Variants in CHERP observed in about 807,000 individuals in gnomAD.
CHERP encodes calcium homeostasis endoplasmic reticulum protein, also known as ERPROT 213-21.
Under a neutral mutation model 113.8 loss-of-function variants are expected in CHERP, and 8 were observed. The observed-to-expected ratio is 0.07, with a 90% CI of 0.04 to 0.13. CHERP has a LOEUF of 0.13. Among genes scored for constraint, CHERP ranks in the 10% least tolerant of loss-of-function variants. The pLI is 1.00. For synonymous variants in CHERP, 559 were observed against 524.5 expected (o/e 1.07, Z -0.90); for missense variants, 884 against 1,298.2 (o/e 0.68, Z 4.90).
chr19:16,537,114 T>G (rs760418193), intron 2 of CHERP, among the ~76,000 whole-genome samples: 1 of 151,908 alleles, frequency 6.6e-6, no homozygotes, highest in African/African-American at 2.4e-5. Flanking sequence ...CAGACAAGAC[T>G]CACTCCAGAT....
Position 16,530,011 on chromosome 19 carries a change from T to C in CHERP, c.877-111A>G. The C allele has an allele frequency of 7.1e-7, 1 of 1,399,830 alleles. No homozygotes were observed. Among genetic ancestry groups the C allele is most frequent in the Non-Finnish European group, 9.6e-7 (1 of 1,040,924 alleles). 86.7% of individuals were successfully genotyped at this position (1,399,830 alleles called of 1,614,324 possible). ...CAGAGCCTGGGGGACCTGGGGCAGG[T>C]GGACAGGGAACCGTCACGTGAAACA... On this transcript the variant is annotated intron_variant, in intron 7 of 16. Coordinates refer to ENST00000546361, the MANE Select transcript of CHERP (RefSeq NM_006387.6). This position sits in a 1 kb window ranked among gnomAD's most constrained non-coding sequence, Gnocchi z 4.1.
chr19:16,524,542 TGA>T (rs2085643197), intron 10 of CHERP, among the ~76,000 whole-genome samples: 1 of 138,016 alleles, frequency 7.2e-6, no homozygotes, highest in Admixed American at 7.2e-5. Flanking sequence ...GGCAACAGGG[TGA>T]GACTCTGTCT....
chr19:16,521,147 G>A, intron 12 of CHERP: 1 of 596,062 alleles, frequency 1.7e-6, no homozygotes, highest in Non-Finnish European at 3.0e-6. Context: ...CGCTGAGGTG[G>A]TGGGGACCCA....
In CHERP at chr19:16,535,854, C is replaced by T. The variant is rs1291536473; in HGVS notation, c.200-218G>A. Among the ~76,000 whole-genome samples the T allele has an allele frequency of 6.6e-6, 1 of 152,166 alleles. No homozygotes were observed. Among genetic ancestry groups the T allele is most frequent in the African/African-American group, 2.4e-5 (1 of 41,444 alleles). On this transcript the variant is annotated intron_variant, in intron 2 of 16. Transcript: ENST00000546361. This position sits in a 1 kb window ranked among gnomAD's most constrained non-coding sequence, Gnocchi z 4.3. ...CAGCCTCAGCATTCCATCTTCGGGC[C>T]GTCCCCTCCTCGGAGAACCTAGGAA...
chr19:16,525,535 T>G lies in CHERP; in HGVS notation c.1448A>C (p.Gln483Pro), dbSNP rs1455191934. Reference protein sequence around the residue: ...NGQRDAPWNNQPDAAWNSQFE... With the variant: ...NGQRDAPWNNPPDAAWNSQFE... ...CTGGCTGTTCCAGGCGGCGTCGGGC[T>G]GGTTGTTCCAGGGCGCGTCGCGCTG... Residue 483 changes from glutamine (Q) to proline (P), a missense_variant, in exon 10 of 17, where the codon CAG (glutamine) becomes CCG (proline). By Grantham distance (76) the Gln-to-Pro change is moderately conservative. Coordinates refer to ENST00000546361, the MANE Select transcript of CHERP (RefSeq NM_006387.6). The surrounding 1 kb of genome is among the most constrained non-coding windows in gnomAD (Gnocchi z 6.5). 1.9e-6 allele frequency: 3 copies of G among 1,547,232 alleles called. No homozygotes were observed. Among genetic ancestry groups the G allele is most frequent in the African/African-American group, 1.4e-5 (1 of 73,244 alleles).
intron 2 of CHERP, chr19:16,541,067 T>C (rs910798747): frequency 6.6e-6 from 1 of 152,068 alleles, no homozygotes; most frequent in African/African-American, 2.4e-5. Flanking sequence ...TGTACCTTAA[T>C]ACAAGACGAG....
chr19:16,538,690 A>G (rs1288120553), intron 2 of CHERP, among the ~76,000 whole-genome samples: 1 of 152,000 alleles, frequency 6.6e-6, no homozygotes, highest in Non-Finnish European at 1.5e-5. Flanking sequence ...TCTCCAAAAA[A>G]AAAAGAAAGC....
chr19:16,529,278 A>C (rs563363125), intron 8 of CHERP, among the ~76,000 whole-genome samples: 2 of 152,190 alleles, frequency 1.3e-5, no homozygotes, highest in African/African-American at 4.8e-5. Flanking sequence ...TTGGCCTCCC[A>C]AAGTGCTGGG....
Position 16,525,267 on chromosome 19 carries a change from G to A in CHERP, c.1716C>T (p.Asp572=). The A allele has an allele frequency of 7.0e-7, 1 of 1,433,338 alleles. No homozygotes were observed. The highest frequency in any genetic ancestry group is 9.2e-7 in the Non-Finnish European group (1 of 1,091,514). The allele number at this position is 1,433,338 out of a possible 1,614,324, so 88.8% of individuals were successfully genotyped here. A position where few individuals can be genotyped will look rare whatever the true frequency, so the allele number is the denominator to read the frequency against. The change falls in exon 10 of 17, where the codon GAC becomes GAT. Residue 572 remains aspartate (D), a synonymous_variant. Transcript: ENST00000546361. The surrounding 1 kb of genome is among the most constrained non-coding windows in gnomAD (Gnocchi z 6.5). ...CGGCAGGGAAGTCCCCCTGGGGGTA[G>A]TCGAAGCGGTGGGGATAGGGCGGCC... ...FERPPYPHRF[D]YPQGDFPAEM... is the part of the protein sequence containing the mutation.
chr19:16,533,573 G>A (rs920298787), intron 3 of CHERP, among the ~76,000 whole-genome samples: 2 of 152,068 alleles, frequency 1.3e-5, no homozygotes, highest in African/African-American at 4.8e-5. Context: ...CCTGGGCAAC[G>A]TAGCGAAACC....
At chr19:16,528,911 C>A (rs755303732) in intron 8 of CHERP, among the ~76,000 whole-genome samples, 21 of 152,306 alleles carry the variant, frequency 1.4e-4, no homozygotes, top group Middle Eastern at 3.4e-3. Flanking sequence ...TGAGATCACG[C>A]CACTGCACTC....
intron 2 of CHERP, among the ~76,000 whole-genome samples, chr19:16,537,325 A>G (rs149342606): frequency 6.6e-6 from 1 of 151,180 alleles, no homozygotes; most frequent in Non-Finnish European, 1.5e-5. Context: ...GGACCCTCAC[A>G]TGCTGGGGTG....
rs1414595232 is a variant in CHERP at position 16,518,159 on chromosome 19, A to G, written c.*1000T>C. 1 of 152,130 alleles carries G rather than the reference A, an allele frequency of 6.6e-6. No homozygotes were observed. The highest frequency in any genetic ancestry group is 2.4e-5 in the African/African-American group (1 of 41,408). The allele number at this position is 152,130 out of a possible 1,614,324, so 9.4% of individuals were successfully genotyped here. On this transcript the variant is annotated 3_prime_UTR_variant, in exon 17 of 17. Transcript: ENST00000546361. ...TGGACACCAGGTGTGGCCGATTCCC[A>G]ACGGTCACCCACCAGCTTCTGGCAG...
At chr19:16,522,699 CCTT>C (rs2085627884) in intron 11 of CHERP, among the ~76,000 whole-genome samples, 1 of 152,164 alleles carries the variant, frequency 6.6e-6, no homozygotes, top group South Asian at 2.1e-4. Context: ...ACAGGTGGCT[CCTT>C]CTAAGACATT....
chr19:16,522,545 CA>C (rs570684391), intron 11 of CHERP, among the ~76,000 whole-genome samples: 164 of 152,302 alleles, frequency 1.1e-3, no homozygotes, highest in African/African-American at 3.8e-3. Context: ...AGGTGTGAGC[CA>C]CTACGCCTGG....
At chr19:16,524,256 A>AAAC (rs1313937186) in intron 10 of CHERP, among the ~76,000 whole-genome samples, 3 of 150,836 alleles carry the variant, frequency 2.0e-5, no homozygotes, top group African/African-American at 4.9e-5. Context: ...AAAAAACAAC[A>AAAC]AACAACAACA....
chr19:16,534,818 C>G (rs186170321), intron 3 of CHERP, among the ~76,000 whole-genome samples: 55 of 152,224 alleles, frequency 3.6e-4, no homozygotes, highest in African/African-American at 1.3e-3. Context: ...AACTGTTGGA[C>G]CAGGAAGGAC....
Position 16,529,743 on chromosome 19 carries a change from G to T in CHERP, c.1034C>A (p.Pro345Gln). The T allele has an allele frequency of 1.2e-6, 2 of 1,611,128 alleles. No individual in the cohort carries two copies. The highest frequency in any genetic ancestry group is 8.5e-7 in the Non-Finnish European group (1 of 1,179,600). The stretch of plus-strand genomic sequence containing the variant: ...GGCCTTGACTTCAGCCTCCATCTGC[G>T]GCATCTGGAGCTGCTGCTGCTGCTG... ...QQQQQQQLQM[P>Q]QMEAEVKATP... The change falls in exon 8 of 17, where the codon CCG becomes CAG. Residue 345 changes from proline (P) to glutamine (Q), a missense_variant. This residue lies in a region of CHERP where 464 missense variants were observed against 590.1 expected (regional missense o/e 0.79). Transcript: ENST00000546361.
Position 16,518,819 on chromosome 19 carries a change from T to C in CHERP, c.*340A>G, listed in dbSNP as rs2122235508. 3.5e-6 allele frequency: 1 copy of C among 289,478 alleles called. No homozygotes were observed. Among genetic ancestry groups the C allele is most frequent in the South Asian group, 3.6e-5 (1 of 28,110 alleles). 17.9% of individuals were successfully genotyped at this position (289,478 alleles called of 1,614,324 possible). A position where few individuals can be genotyped will look rare whatever the true frequency, so the allele number is the denominator to read the frequency against. ...CCTGGAGCCTAGGAGGAGGCTTCAA[T>C]CTGACTTAGGGCAGATGCACATCCA... On this transcript the variant is annotated 3_prime_UTR_variant, in exon 17 of 17. Coordinates refer to ENST00000546361, the MANE Select transcript of CHERP (RefSeq NM_006387.6).
Sources: gnomAD v4.1 joint callset for allele counts (sites outside exome capture counted in the v4.1 genomes callset) on GRCh38, gnomAD v4.1.1 for gene constraint, gnomAD v4.1.1 regional missense constraint, Gnocchi (gnomAD v3.1) non-coding constraint, MANE v1.5 for transcripts, NCBI Gene and HGNC (gene_info 2026-07-23, HGNC 2026-07-21) for gene names.